Variants in GPHN observed in about 807,000 individuals in gnomAD.
The protein encoded by GPHN is gephyrin.
Under a neutral mutation model 95.5 loss-of-function variants are expected in GPHN, and 17 were observed. That is an observed-to-expected ratio of 0.18 (90% CI 0.12 to 0.27). The LOEUF (loss-of-function observed/expected upper bound fraction) is 0.27. Among genes scored for constraint, GPHN ranks in the 10% least tolerant of loss-of-function variants. GPHN has a pLI of 1.00. For missense variants in GPHN, 660 were observed against 978.1 expected, an observed-to-expected ratio of 0.67 and a Z score of 4.34; for synonymous variants, 320 against 322.5, an observed-to-expected ratio of 0.99 and a Z score of 0.08.
chr14:67,007,714 T>C (rs1814313274), intron 9 of GPHN, among the ~76,000 whole-genome samples: 1 of 152,220 alleles, frequency 6.6e-6, no homozygotes, highest in Admixed American at 6.5e-5. Flanking sequence ...TCACTTGCAA[T>C]TATCTAACTT....
chr14:66,623,340 G>A (rs928332195), intron 1 of GPHN, among the ~76,000 whole-genome samples: 3 of 152,130 alleles, frequency 2.0e-5, no homozygotes, highest in Admixed American at 6.5e-5. Flanking sequence ...AGTTACAATT[G>A]AGGATGAGAT....
At chr14:67,320,471 G>A in the GPHN span, 5 of 1,358,360 alleles carry the variant, frequency 3.7e-6, no homozygotes, top group Non-Finnish European at 4.8e-6. Context: ...ATCATGTAGG[G>A]AAATTTTTTA....
chr14:66,529,718 A>G (rs2058835023), intron 1 of GPHN, among the ~76,000 whole-genome samples: 1 of 152,122 alleles, frequency 6.6e-6, no homozygotes, highest in Non-Finnish European at 1.5e-5. Context: ...TCTAACACTC[A>G]GGCCTCTCTG....
chr14:67,215,401 C>G, the GPHN span, among the ~76,000 whole-genome samples: 1 of 138,906 alleles, frequency 7.2e-6, no homozygotes, highest in African/African-American at 3.0e-5. Flanking sequence ...GAACACTGAT[C>G]TATTGTTTTT....
At chr14:66,632,779 C>A (rs2063889776) in intron 1 of GPHN, among the ~76,000 whole-genome samples, 1 of 152,130 alleles carries the variant, frequency 6.6e-6, no homozygotes, top group African/African-American at 2.4e-5. Flanking sequence ...GTGTGAGCCA[C>A]CGCACCCGGC....
intron 2 of GPHN, among the ~76,000 whole-genome samples, chr14:66,711,183 A>G (rs6573712): frequency 0.31 from 47,267 of 151,620 alleles, 11,185 homozygotes; most frequent in African/African-American, 0.64. Context: ...TGTAGTCTTA[A>G]CCCTCCCCCT....
chr14:67,384,491 G>A, the GPHN span: 2 of 151,818 alleles, frequency 1.3e-5, no homozygotes, highest in African/African-American at 4.8e-5. Context: ...AAAATCTTGA[G>A]TTGCTTTGGT....
intron 1 of GPHN, among the ~76,000 whole-genome samples, chr14:66,526,030 G>A (rs1351165875): frequency 1.3e-5 from 2 of 150,890 alleles, no homozygotes; most frequent in Non-Finnish European, 2.9e-5. Context: ...TGTAAAGAAA[G>A]TCAATGGTAG....
the GPHN span, among the ~76,000 whole-genome samples, chr14:67,477,592 C>A: frequency 6.6e-6 from 1 of 152,258 alleles, no homozygotes; most frequent in East Asian, 1.9e-4. Flanking sequence ...CTAGACAGCT[C>A]CCCCTAATGT....
At chr14:67,516,398 A>G in the GPHN span, among the ~76,000 whole-genome samples, 1,317 of 55,166 alleles carry the variant, frequency 0.024, 27 homozygotes, top group African/African-American at 0.053. Context: ...CTAGCTGGAG[A>G]GGGGGGGAAA....
intron 5 of GPHN, among the ~76,000 whole-genome samples, chr14:66,902,739 T>C (rs1371885252): frequency 6.6e-6 from 1 of 152,152 alleles, no homozygotes; most frequent in Non-Finnish European, 1.5e-5. Flanking sequence ...ATCTGTTCAA[T>C]GTGTTGTTGA....
chr14:67,644,519 A>G, the GPHN span, among the ~76,000 whole-genome samples: 1 of 152,178 alleles, frequency 6.6e-6, no homozygotes, highest in African/African-American at 2.4e-5. Context: ...ATATTGACCA[A>G]GAAGGATGGT....
intron 3 of GPHN, among the ~76,000 whole-genome samples, chr14:66,794,260 G>A (rs2060080628): frequency 6.6e-6 from 1 of 152,006 alleles, no homozygotes; most frequent in Non-Finnish European, 1.5e-5. Context: ...GTGAGTTCTT[G>A]AGAGATCTGG....
At chr14:67,279,912 T>C in the GPHN span, 1 of 189,172 alleles carries the variant, frequency 5.3e-6, no homozygotes, top group South Asian at 1.9e-4. Context: ...AAAATAGTAA[T>C]AAATTTGTAA....
At chr14:66,683,772 T>C (rs982435267) in intron 2 of GPHN, among the ~76,000 whole-genome samples, 1 of 151,518 alleles carries the variant, frequency 6.6e-6, no homozygotes, top group East Asian at 1.9e-4. Flanking sequence ...GGTCAGGAGA[T>C]CGAGACCATC....
chr14:67,246,191 G>A, the GPHN span, among the ~76,000 whole-genome samples: 1 of 151,556 alleles, frequency 6.6e-6, no homozygotes, highest in Non-Finnish European at 1.5e-5. Context: ...GTCCAGGCTG[G>A]AGTGCAGTGG....
At chr14:67,490,183 T>G in the GPHN span, among the ~76,000 whole-genome samples, 3 of 152,088 alleles carry the variant, frequency 2.0e-5, no homozygotes, top group Admixed American at 6.6e-5. Context: ...TTTCTCTAAT[T>G]TATAGGCCAC....
intron 3 of GPHN, among the ~76,000 whole-genome samples, chr14:66,783,197 G>A (rs935042605): frequency 6.6e-5 from 10 of 152,168 alleles, no homozygotes; most frequent in Admixed American, 6.5e-4. Context: ...TTTCAGTTGA[G>A]TCAAGCAGGC....
chr14:66,559,259 T>C (rs1027061350), intron 1 of GPHN, among the ~76,000 whole-genome samples: 7 of 151,706 alleles, frequency 4.6e-5, no homozygotes, highest in African/African-American at 7.3e-5. Context: ...TACCCAGTAA[T>C]GGGATGGCTG....
Sources: gnomAD v4.1 joint callset for allele counts (sites outside exome capture counted in the v4.1 genomes callset) on GRCh38, gnomAD v4.1.1 for gene constraint, MANE v1.5 for transcripts, NCBI Gene and HGNC (gene_info 2026-07-23, HGNC 2026-07-21) for gene names.